The following HEG1 variants were observed in gnomAD, a reference collection of about 807,000 sequenced individuals.
The protein encoded by HEG1 is protein HEG homolog 1.
Under a neutral mutation model 125.6 loss-of-function variants are expected in HEG1, and 56 were observed. The ratio of observed to expected loss-of-function variants is 0.45; its 90% confidence interval spans 0.36 to 0.56. HEG1 has a LOEUF of 0.56. Among genes scored for constraint, HEG1 ranks in the 20% least tolerant of loss-of-function variants. The pLI is 0.00. For missense variants in HEG1, 1,523 were observed against 1,670.0 expected (o/e 0.91, Z 1.53); for synonymous variants, 644 against 668.5 (o/e 0.96, Z 0.57).
Position 125,055,667 on chromosome 3 carries a change from G to A in HEG1, c.224C>T (p.Pro75Leu), listed in dbSNP as rs1194166795. The A allele has an allele frequency of 4.2e-5, 49 of 1,163,176 alleles. No individual in the cohort carries two copies. The highest frequency in any genetic ancestry group is 3.6e-5 in the Non-Finnish European group (34 of 944,186). The allele number at this position is 1,163,176 out of a possible 1,614,324, so 72.1% of individuals were successfully genotyped here. ...PPTPPRERRGPATPGPSYRAP... is the reference protein window; with the variant it reads ...PPTPPRERRGLATPGPSYRAP... ...CCTGTAGCTGGGGCCGGGGGTCGCG[G>A]GCCCGCGGCGCTCCCGGGGCGGCGT... is the stretch of plus-strand genomic sequence containing the variant. Residue 75 changes from proline (P) to leucine (L), a missense_variant, in exon 1 of 17, where the codon CCC (proline) becomes CTC (leucine). By Grantham distance (98) the Pro-to-Leu change is moderately conservative (BLOSUM62 -3). Coordinates refer to ENST00000311127, the MANE Select transcript of HEG1 (RefSeq NM_020733.2).
chr3:125,052,226 G>A (rs1052643992), intron 1 of HEG1, among the ~76,000 whole-genome samples: 6 of 151,118 alleles, frequency 4.0e-5, no homozygotes, highest in Non-Finnish European at 8.8e-5. Flanking sequence ...CCTCCGCCAG[G>A]AGTGAGGTAG....
intron 1 of HEG1, among the ~76,000 whole-genome samples, chr3:125,039,019 C>G (rs1238047891): frequency 1.3e-5 from 2 of 152,226 alleles, no homozygotes. Flanking sequence ...ACCAACCCTC[C>G]TCATATTGGA....
At position 124,965,956 on chromosome 3, in the gene HEG1, A is replaced by G. The variant is rs1052965365; in HGVS notation, c.*4696T>C. On this transcript the variant is annotated 3_prime_UTR_variant, in exon 17 of 17. Coordinates refer to ENST00000311127, the MANE Select transcript of HEG1 (RefSeq NM_020733.2). Reference sequence around the variant, plus strand: ...AATCCAGGACAACATGAAAACTCCCAAAGTTCATATTCCAGCTAAATGCTT... The same window carrying G: ...AATCCAGGACAACATGAAAACTCCCGAAGTTCATATTCCAGCTAAATGCTT... The G allele has an allele frequency of 6.6e-6, 1 of 152,240 alleles. No individual in the cohort carries two copies. Among genetic ancestry groups the G allele is most frequent in the Non-Finnish European group, 1.5e-5 (1 of 68,042 alleles). 9.4% of individuals were successfully genotyped at this position (152,240 alleles called of 1,614,324 possible).
intron 8 of HEG1, among the ~76,000 whole-genome samples, chr3:125,006,077 C>T (rs1937068003): frequency 6.6e-6 from 1 of 152,174 alleles, no homozygotes; most frequent in South Asian, 2.1e-4. Flanking sequence ...CCCCTATAAC[C>T]TCTGTGCCCT....
chr3:124,981,233 C>CTTTT (rs11461179), intron 14 of HEG1, among the ~76,000 whole-genome samples: 17 of 142,256 alleles, frequency 1.2e-4, no homozygotes, highest in East Asian at 4.1e-4. Context: ...TCACTTTTTC[C>CTTTT]TTTTTTTTTT....
In HEG1 at chr3:125,005,288, C is replaced by A. The variant is rs1212429547; in HGVS notation, c.3274G>T (p.Val1092Phe). ...ACCGTTTTGGTGATCTCATTTTCAACTTCTTGTAGGTCTGAATGTTTTTCC... is the reference window on the plus strand; with the variant it reads ...ACCGTTTTGGTGATCTCATTTTCAAATTCTTGTAGGTCTGAATGTTTTTCC... ...TVEKHSDLQE[V>F]ENEITKTLNM... The change falls in exon 9 of 17, where the codon GTT becomes TTT. Residue 1092 changes from valine (V) to phenylalanine (F), a missense_variant. By Grantham distance (50) the Val-to-Phe change is conservative. Coordinates refer to ENST00000311127, the MANE Select transcript of HEG1 (RefSeq NM_020733.2). 2 of 1,597,410 alleles carry A rather than the reference C, an allele frequency of 1.3e-6. No individual in the cohort carries two copies. Among genetic ancestry groups the A allele is most frequent in the South Asian group, 2.3e-5 (2 of 88,188 alleles).
At chr3:125,054,385 T>C (rs949040964) in intron 1 of HEG1, among the ~76,000 whole-genome samples, 3 of 152,248 alleles carry the variant, frequency 2.0e-5, no homozygotes, top group Non-Finnish European at 4.4e-5. Context: ...CTGTTGAATA[T>C]GAAATTGAGT....
chr3:125,048,545 T>C (rs949303632), intron 1 of HEG1, among the ~76,000 whole-genome samples: 39 of 152,224 alleles, frequency 2.6e-4, no homozygotes, highest in African/African-American at 8.9e-4. Context: ...AGGAATGAGT[T>C]TGGCATGTAT....
rs897719676 is a variant in HEG1 at position 124,967,753 on chromosome 3, C to T, written c.*2899G>A. 1.3e-5 allele frequency: 2 copies of T among 152,216 alleles called. No homozygotes were observed. The highest frequency in any genetic ancestry group is 4.8e-5 in the African/African-American group (2 of 41,426). 9.4% of individuals were successfully genotyped at this position (152,216 alleles called of 1,614,324 possible). ...TGAGAAATGGGCACTTCCATGCCCA[C>T]CTCTCAAGGATACTGTGAGGAGCCT... On this transcript the variant is annotated 3_prime_UTR_variant, in exon 17 of 17. Transcript: ENST00000311127.
intron 12 of HEG1, among the ~76,000 whole-genome samples, chr3:124,991,191 C>G (rs932725505): frequency 7.9e-5 from 12 of 151,818 alleles, no homozygotes; most frequent in Non-Finnish European, 1.8e-4. Flanking sequence ...GCTCTGTCAC[C>G]CAGGCTGGAG....
chr3:125,007,239 G>A (rs1202675357), intron 8 of HEG1, among the ~76,000 whole-genome samples: 1 of 149,522 alleles, frequency 6.7e-6, no homozygotes, highest in Non-Finnish European at 1.5e-5. Context: ...CATCGCAAAT[G>A]TCAGGTACGT....
chr3:125,011,386 A>T (rs912077398), intron 6 of HEG1, among the ~76,000 whole-genome samples: 1 of 152,210 alleles, frequency 6.6e-6, no homozygotes, highest in East Asian at 1.9e-4. Context: ...ACCCATGAAC[A>T]CTGGCACAAA....
chr3:124,985,047 C>T (rs1470009432), intron 14 of HEG1, among the ~76,000 whole-genome samples: 1 of 152,178 alleles, frequency 6.6e-6, no homozygotes, highest in Non-Finnish European at 1.5e-5. Context: ...AAAAGACATA[C>T]ACATATATAT....
intron 12 of HEG1, among the ~76,000 whole-genome samples, chr3:124,992,426 T>C (rs1448275904): frequency 6.6e-6 from 1 of 152,228 alleles, no homozygotes; most frequent in Non-Finnish European, 1.5e-5. Context: ...ACAAATTCTC[T>C]GCTGCAAGGA....
Position 124,986,497 on chromosome 3 carries a change from C to T in HEG1, c.3733+4290G>A, listed in dbSNP as rs140681780. Among the ~76,000 whole-genome samples, 178 of 152,252 alleles carry T rather than the reference C, an allele frequency of 1.2e-3. 2 individuals are homozygous for T. Among genetic ancestry groups the T allele is most frequent in the Admixed American group, 0.011 (163 of 15,296 alleles). On this transcript the variant is annotated intron_variant, in intron 14 of 16. Transcript: ENST00000311127. ...TCCTTAACCAACACCCAGGTCTTGG[C>T]CCAGACCTCAGAGAAAGAGGCAGGT...
At chr3:124,997,020 G>C (rs532136176) in intron 12 of HEG1, among the ~76,000 whole-genome samples, 1 of 152,294 alleles carries the variant, frequency 6.6e-6, no homozygotes, top group East Asian at 1.9e-4. Context: ...TTAAAGGTTA[G>C]TAGAATTAGA....
At chr3:125,019,049 G>T (rs188769589) in intron 5 of HEG1, among the ~76,000 whole-genome samples, 32 of 152,110 alleles carry the variant, frequency 2.1e-4, no homozygotes, top group Admixed American at 1.7e-3. Context: ...TGTATTGTTA[G>T]TAGAGACAGG....
chr3:125,030,024 T>C (rs1937475698), intron 1 of HEG1, among the ~76,000 whole-genome samples: 1 of 152,214 alleles, frequency 6.6e-6, no homozygotes, highest in South Asian at 2.1e-4. Flanking sequence ...TGGAAATTTA[T>C]TGATAGAAAG....
At chr3:125,032,966 G>A (rs147325616) in intron 1 of HEG1, among the ~76,000 whole-genome samples, 2,577 of 152,174 alleles carry the variant, frequency 0.017, 29 homozygotes, top group Middle Eastern at 0.027. Flanking sequence ...GTCTCCGAGG[G>A]GAAAAGAATG....
Sources: gnomAD v4.1 joint callset for allele counts (sites outside exome capture counted in the v4.1 genomes callset) on GRCh38, gnomAD v4.1.1 for gene constraint, MANE v1.5 for transcripts, NCBI Gene and HGNC (gene_info 2026-07-23, HGNC 2026-07-21) for gene names.